SLC7A11: variants seen among roughly 807,000 people sequenced by gnomAD.
SLC7A11 encodes cystine/glutamate transporter.
In SLC7A11, 35 loss-of-function variants were observed where a neutral mutation model predicts 54.5. That is an observed-to-expected ratio of 0.64 (90% CI 0.49 to 0.85). The LOEUF (loss-of-function observed/expected upper bound fraction) is 0.85, where lower values mean the gene tolerates loss of function less well. Among genes scored for constraint, SLC7A11 ranks in the 40% least tolerant of loss-of-function variants. The probability of loss-of-function intolerance (pLI) is 0.00; values close to 1 mark genes in which losing one functional copy is unlikely to be tolerated. For synonymous variants in SLC7A11, 230 were observed against 225.2 expected, an observed-to-expected ratio of 1.02 and a Z score of -0.19; for missense variants, 583 against 618.1, an observed-to-expected ratio of 0.94 and a Z score of 0.60.
At chr4:138,221,263 A>G (rs569580998) in intron 4 of SLC7A11, among the ~76,000 whole-genome samples, 10 of 152,326 alleles carry the variant, frequency 6.6e-5, no homozygotes, top group African/African-American at 2.4e-4. Context: ...TTTTGGCTAT[A>G]TAACAGAGGT....
At chr4:138,175,471 C>CT (rs1255661733) in intron 11 of SLC7A11, among the ~76,000 whole-genome samples, 3 of 152,068 alleles carry the variant, frequency 2.0e-5, no homozygotes, top group African/African-American at 7.2e-5. Flanking sequence ...GTCTTGCTAT[C>CT]TTTGTGTATT....
At chr4:138,233,466 G>T (rs138261618) in intron 2 of SLC7A11, among the ~76,000 whole-genome samples, 143 of 152,204 alleles carry the variant, frequency 9.4e-4, no homozygotes, top group African/African-American at 3.2e-3. Context: ...TTACAGGCGT[G>T]AGCCACCGTG....
intron 3 of SLC7A11, among the ~76,000 whole-genome samples, chr4:138,228,175 T>A (rs1737987086): frequency 1.3e-5 from 2 of 152,212 alleles, no homozygotes; most frequent in South Asian, 2.1e-4. Context: ...TTTCAAAAGT[T>A]TGAGAATTAG....
chr4:138,182,425 T>G, intron 8 of SLC7A11, 32 bp from the exon 9 acceptor site: 3 of 1,299,038 alleles, frequency 2.3e-6, no homozygotes, highest in Non-Finnish European at 3.4e-6. Context: ...TGGAGTTGAC[T>G]GTATGATTGA....
chr4:138,202,477 A>G (rs1479696993), intron 6 of SLC7A11, among the ~76,000 whole-genome samples: 1 of 152,082 alleles, frequency 6.6e-6, no homozygotes, highest in Non-Finnish European at 1.5e-5. Context: ...GGTCCTGCCT[A>G]ATCTCCTAAC....
rs1736419436 is a variant in SLC7A11, at chr4:138,171,287, T to G, written c.*669A>C. 6.6e-6 allele frequency: 1 copy of G among 152,066 alleles called. No homozygotes were observed. Among genetic ancestry groups the G allele is most frequent in the Non-Finnish European group, 1.5e-5 (1 of 67,994 alleles). 9.4% of individuals were successfully genotyped at this position (152,066 alleles called of 1,614,324 possible). A position where few individuals can be genotyped will look rare whatever the true frequency, so the allele number is the denominator to read the frequency against. On this transcript the variant is annotated 3_prime_UTR_variant, in exon 12 of 12. Coordinates refer to ENST00000280612, the MANE Select transcript of SLC7A11 (RefSeq NM_014331.4). ...ATGAAAAAACATCTGACATAATAAA[T>G]TCTCAAGGATTTTTACTTAAACATA...
intron 10 of SLC7A11, among the ~76,000 whole-genome samples, chr4:138,180,288 C>T (rs1397639224): frequency 3.9e-5 from 6 of 152,118 alleles, no homozygotes; most frequent in African/African-American, 1.4e-4. Flanking sequence ...CTCCTCCTCA[C>T]CATGGCTGTC....
intron 6 of SLC7A11, among the ~76,000 whole-genome samples, chr4:138,210,531 C>T (rs1301749431): frequency 6.6e-6 from 1 of 151,986 alleles, no homozygotes; most frequent in Non-Finnish European, 1.5e-5. Context: ...CTATAAAGAA[C>T]TTAAACAATT....
At chr4:138,236,054 TG>T (rs773125042) in intron 2 of SLC7A11, among the ~76,000 whole-genome samples, 10 of 152,228 alleles carry the variant, frequency 6.6e-5, no homozygotes, top group Non-Finnish European at 1.2e-4. Context: ...ATCTTTCTCC[TG>T]GAAGTGTCAA....
chr4:138,225,138 C>CTA (rs36216785), intron 3 of SLC7A11, among the ~76,000 whole-genome samples: 2,964 of 118,166 alleles, frequency 0.025, 31 homozygotes, highest in East Asian at 0.032. Flanking sequence ...AATAATTTCA[C>CTA]TATATATATA....
chr4:138,190,722 C>G (rs1736990245), intron 6 of SLC7A11, among the ~76,000 whole-genome samples: 1 of 152,168 alleles, frequency 6.6e-6, no homozygotes, highest in Non-Finnish European at 1.5e-5. Context: ...TACATTTTGA[C>G]ATACTTTCCC....
At chr4:138,214,889 A>G (rs2148439483) in intron 5 of SLC7A11, among the ~76,000 whole-genome samples, 1 of 152,312 alleles carries the variant, frequency 6.6e-6, no homozygotes, top group East Asian at 1.9e-4. Flanking sequence ...AGAATGTCCC[A>G]CAGAATAGTG....
At position 138,223,184 on chromosome 4, in the gene SLC7A11, C is replaced by T; in HGVS notation, c.646+15G>A. The T allele has an allele frequency of 1.2e-6, 2 of 1,601,968 alleles. No homozygotes were observed. Among genetic ancestry groups the T allele is most frequent in the South Asian group, 2.2e-5 (2 of 90,186 alleles). On this transcript the variant is annotated intron_variant, in intron 4 of 11. Coordinates refer to ENST00000280612, the MANE Select transcript of SLC7A11 (RefSeq NM_014331.4). ...AGATACGTATTTTAAAAAGCATTTG[C>T]TTTTCAGTCCATACCTTTAATTAGC...
In SLC7A11 at chr4:138,170,229, A is replaced by G. The variant is rs1432794104; in HGVS notation, c.*1727T>C. Reference sequence around the variant, plus strand: ...ACTATATATATATATATATATATATAAAAAGTGTGTGTGTGTGTGTGTATA... The same window carrying G: ...ACTATATATATATATATATATATATGAAAAGTGTGTGTGTGTGTGTGTATA... On this transcript the variant is annotated 3_prime_UTR_variant, in exon 12 of 12. Transcript: ENST00000280612. The G allele has an allele frequency of 1.8e-5, 2 of 111,620 alleles. No homozygotes were observed. The highest frequency in any genetic ancestry group is 3.7e-5 in the Non-Finnish European group (2 of 54,732). 6.9% of individuals were successfully genotyped at this position (111,620 alleles called of 1,614,324 possible). A position where few individuals can be genotyped will look rare whatever the true frequency, so the allele number is the denominator to read the frequency against.
chr4:138,171,631 T>A lies in SLC7A11; in HGVS notation c.*325A>T, dbSNP rs1736427578. ...AAAATCTCAGTCTTCAATTTGAAGG[T>A]TCTTTGCCGTGCTAACATATGTTGT... On this transcript the variant is annotated 3_prime_UTR_variant, in exon 12 of 12. Transcript: ENST00000280612. The A allele has an allele frequency of 4.0e-6, 1 of 252,852 alleles. No individual in the cohort carries two copies. The highest frequency in any genetic ancestry group is 6.7e-5 in the South Asian group (1 of 14,854). 15.7% of individuals were successfully genotyped at this position (252,852 alleles called of 1,614,324 possible).
intron 11 of SLC7A11, among the ~76,000 whole-genome samples, chr4:138,173,413 T>C (rs1431282241): frequency 6.6e-6 from 1 of 152,026 alleles, no homozygotes; most frequent in East Asian, 1.9e-4. Flanking sequence ...GGTGGGTGGA[T>C]CACCTGAGGT....
intron 6 of SLC7A11, among the ~76,000 whole-genome samples, chr4:138,206,809 C>G (rs1198128644): frequency 6.6e-6 from 1 of 151,858 alleles, no homozygotes; most frequent in Non-Finnish European, 1.5e-5. Flanking sequence ...TTAGAGTGAA[C>G]AAAAGCAAGG....
At chr4:138,223,112 G>A in intron 4 of SLC7A11, 87 bp downstream of exon 4, 6 of 1,185,438 alleles carry the variant, frequency 5.1e-6, no homozygotes, top group Non-Finnish European at 7.3e-6. Flanking sequence ...ACTAATTAAG[G>A]ATTCTGTTAG....
chr4:138,236,402 A>T lies in SLC7A11; in HGVS notation c.327T>A (p.Gly109=), dbSNP rs1157204239. The change falls in exon 2 of 12, where the codon GGT becomes GGA. Residue 109 remains glycine, a synonymous_variant. Coordinates refer to ENST00000280612, the MANE Select transcript of SLC7A11 (RefSeq NM_014331.4). ...ELGTTIKKSG[G]HYTYILEVFG... ...AGACTTCCAAAATATATGTGTAATG[A>T]CCTCCAGATTTCTTTATAGTTGTTC... 6.2e-7 allele frequency: 1 copy of T among 1,612,956 alleles called. No homozygotes were observed. Among genetic ancestry groups the T allele is most frequent in the Non-Finnish European group, 8.5e-7 (1 of 1,179,188 alleles).
Sources: allele counts gnomAD v4.1 joint callset (sites outside exome capture counted in the v4.1 genomes callset), GRCh38; gene constraint gnomAD v4.1.1; transcripts MANE v1.5; gene names NCBI Gene and HGNC (gene_info 2026-07-23, HGNC 2026-07-21).